PRSS16: variants seen among roughly 807,000 people sequenced by gnomAD.
PRSS16 encodes the protein thymus-specific serine protease.
In PRSS16, 43 loss-of-function variants were observed where a neutral mutation model predicts 61.7. The observed-to-expected ratio is 0.70, with a 90% CI of 0.55 to 0.90. PRSS16 has a LOEUF of 0.90. Ranked by LOEUF, PRSS16 falls within the 40% of genes least tolerant of loss-of-function variation. The probability of loss-of-function intolerance (pLI) is 0.00; values close to 1 mark genes in which losing one functional copy is unlikely to be tolerated. For missense variants in PRSS16, 591 were observed against 659.1 expected (o/e 0.90, Z 1.13); for synonymous variants, 273 against 285.2 (o/e 0.96, Z 0.43).
rs267600918 is a variant in PRSS16, at chr6:27,255,056, C to T, written c.1401C>T (p.Ile467=). The change falls in exon 11 of 12, where the codon ATC becomes ATT. Residue 467 remains isoleucine, a synonymous_variant. Coordinates refer to ENST00000230582, the MANE Select transcript of PRSS16 (RefSeq NM_005865.4). This position sits in a 1 kb window ranked among gnomAD's most constrained non-coding sequence, Gnocchi z 4.4. ...GATCCTCAGAATCAACTCTTCTTAT[C>T]CGCACTGGCTCCCACTGCTTGGACA... The part of the protein sequence containing the change: ...ALGSSESTLL[I]RTGSHCLDMA... 1 of 1,614,090 alleles carries T rather than the reference C, an allele frequency of 6.2e-7. No individual in the cohort carries two copies. Among genetic ancestry groups the T allele is most frequent in the Non-Finnish European group, 8.5e-7 (1 of 1,179,958 alleles).
At position 27,251,060 on chromosome 6, in the gene PRSS16, G is replaced by C; in HGVS notation, c.610G>C (p.Ala204Pro). The C allele has an allele frequency of 6.2e-7, 1 of 1,613,950 alleles. No homozygotes were observed. The highest frequency in any genetic ancestry group is 2.2e-5 in the East Asian group (1 of 44,866). The change falls in exon 6 of 12, where the codon GCG (alanine) becomes CCG (proline). Residue 204 changes from alanine to proline, a missense_variant. Ala to Pro is a conservative substitution (Grantham distance 27). Transcript: ENST00000230582. This position sits in a 1 kb window ranked among gnomAD's most constrained non-coding sequence, Gnocchi z 5.6. ...ARLKFPHLIF[A>P]SVASSAPVRA... The stretch of plus-strand genomic sequence containing the variant: ...CCCTTAGTTCCCCCATCTCATTTTC[G>C]CGTCGGTCGCCTCCTCCGCCCCGGT...
Position 27,251,191 on chromosome 6 carries a change from T to C in PRSS16, c.670-26T>C, listed in dbSNP as rs760030420. The C allele has an allele frequency of 6.2e-6, 10 of 1,613,492 alleles. No homozygotes were observed. In the African/African-American group the frequency reaches 1.1e-4, roughly 17 times the overall value. ...GGCGGAGTCCCTTGACACTTCCGGATACCTTCCTCTGCGGTCCGCCCACAG... is the reference window on the plus strand; with the variant it reads ...GGCGGAGTCCCTTGACACTTCCGGACACCTTCCTCTGCGGTCCGCCCACAG... On this transcript the variant is annotated intron_variant, in intron 6 of 11. Coordinates refer to ENST00000230582, the MANE Select transcript of PRSS16 (RefSeq NM_005865.4). The surrounding 1 kb of genome is among the most constrained non-coding windows in gnomAD (Gnocchi z 5.6).
intron 10 of PRSS16, 33 bp from the exon 11 acceptor site, chr6:27,254,953 T>G: frequency 6.2e-7 from 1 of 1,612,474 alleles, no homozygotes; most frequent in Non-Finnish European, 8.5e-7. Flanking sequence ...CCAGCACCCA[T>G]CTACCTAGCC....
intron 4 of PRSS16, among the ~76,000 whole-genome samples, chr6:27,250,448 G>A (rs768921278): frequency 2.6e-4 from 40 of 152,226 alleles, no homozygotes; most frequent in African/African-American, 9.4e-4. Context: ...AAGGGAAAGA[G>A]GGTGGTGGCT....
chr6:27,251,738 T>G lies in PRSS16; in HGVS notation c.718-12T>G, dbSNP rs1364989942. 4.4e-6 allele frequency: 7 copies of G among 1,586,268 alleles called. No homozygotes were observed. The highest frequency in any genetic ancestry group is 5.1e-6 in the Non-Finnish European group (6 of 1,173,540). On this transcript the variant is annotated splice_polypyrimidine_tract_variant and intron_variant, in intron 7 of 11. Coordinates refer to ENST00000230582, the MANE Select transcript of PRSS16 (RefSeq NM_005865.4). The surrounding 1 kb of genome is among the most constrained non-coding windows in gnomAD (Gnocchi z 5.6). ...CTAAGTCTTGGCGGACATCGCCTCT[T>G]GCTTCCCACAGTGCCGGGCGGCGGT...
chr6:27,253,508 C>T (rs1250952557), intron 9 of PRSS16: 1 of 453,904 alleles, frequency 2.2e-6, no homozygotes, highest in Non-Finnish European at 4.4e-6. Context: ...TAACCTTGTC[C>T]CTCCTGTACT....
rs574560316 is a variant in PRSS16 at position 27,249,175 on chromosome 6, T to C, written c.413T>C (p.Ile138Thr). 7.8e-5 allele frequency: 126 copies of C among 1,611,870 alleles called. No homozygotes were observed. The Admixed American group carries it at 1.1e-3, about 14-fold the overall frequency. The stretch of plus-strand genomic sequence containing the variant: ...GAACACAGATTTTATGGCCTGAGTA[T>C]ACCTGCTGGAGGCCTGGAAATGGCC... ...SLEHRFYGLS[I>T]PAGGLEMAQL... Residue 138 changes from isoleucine (I) to threonine (T), a missense_variant, in exon 4 of 12, where the codon ATA becomes ACA. Physicochemically the swap from Ile to Thr is moderately conservative, Grantham distance 89. Coordinates refer to ENST00000230582, the MANE Select transcript of PRSS16 (RefSeq NM_005865.4).
In PRSS16 at chr6:27,251,632, T is replaced by G; in HGVS notation, c.718-118T>G. The G allele has an allele frequency of 8.3e-7, 1 of 1,205,202 alleles. No individual in the cohort carries two copies. The highest frequency in any genetic ancestry group is 1.1e-6 in the Non-Finnish European group (1 of 893,324). 74.7% of individuals were successfully genotyped at this position (1,205,202 alleles called of 1,614,324 possible). A position where few individuals can be genotyped will look rare whatever the true frequency, so the allele number is the denominator to read the frequency against. On this transcript the variant is annotated intron_variant, in intron 7 of 11. Coordinates refer to ENST00000230582, the MANE Select transcript of PRSS16 (RefSeq NM_005865.4). This position sits in a 1 kb window ranked among gnomAD's most constrained non-coding sequence, Gnocchi z 5.6. ...GGGGGCCTGGGCCAAGAGCTAGGTC[T>G]GCACCCTCTGAGTCCCGCTAGGGGA...
chr6:27,253,901 C>T (rs1161710534), intron 9 of PRSS16: 1 of 153,078 alleles, frequency 6.5e-6, no homozygotes, highest in Non-Finnish European at 1.5e-5. Context: ...ATATTTTAAC[C>T]CTCTTAATAC....
At position 27,250,664 on chromosome 6, in the gene PRSS16, G is replaced by A. The variant is rs781194694; in HGVS notation, c.468-19G>A. The A allele has an allele frequency of 6.3e-7, 1 of 1,583,612 alleles. No homozygotes were observed. The highest frequency in any genetic ancestry group is 8.6e-7 in the Non-Finnish European group (1 of 1,166,344). Reference sequence around the variant, plus strand: ...ATTCCCAGCGATGAGGACCGACCGAGTCCCCCCTTTGACCCTAGGCTGGCT... The same window carrying A: ...ATTCCCAGCGATGAGGACCGACCGAATCCCCCCTTTGACCCTAGGCTGGCT... On this transcript the variant is annotated intron_variant, in intron 4 of 11. Coordinates refer to ENST00000230582, the MANE Select transcript of PRSS16 (RefSeq NM_005865.4).
chr6:27,254,782 T>C lies in PRSS16; in HGVS notation c.1240T>C (p.Ser414Pro), dbSNP rs199614851. ...LDLCEQVFGL[S>P]ALSVAQAVAQ... ...CCTATGTGAGCAGGTGTTTGGGCTC[T>C]CAGCCTTGTCAGTAGCCCAGGCTGT... Residue 414 changes from serine (S) to proline (P), a missense_variant, in exon 10 of 12, where the codon TCA becomes CCA. Ser to Pro is a moderately conservative substitution (Grantham distance 74). Transcript: ENST00000230582. The C allele has an allele frequency of 4.3e-5, 69 of 1,614,056 alleles. No homozygotes were observed. The highest frequency in any genetic ancestry group is 1.0e-5 in the Non-Finnish European group (12 of 1,179,998).
Position 27,251,362 on chromosome 6 carries a change from G to A in PRSS16, c.717+98G>A. The A allele has an allele frequency of 7.0e-7, 1 of 1,436,854 alleles. No homozygotes were observed. The highest frequency in any genetic ancestry group is 9.3e-7 in the Non-Finnish European group (1 of 1,075,814). 89.0% of individuals were successfully genotyped at this position (1,436,854 alleles called of 1,614,324 possible). A position where few individuals can be genotyped will look rare whatever the true frequency, so the allele number is the denominator to read the frequency against. On this transcript the variant is annotated intron_variant, in intron 7 of 11. Coordinates refer to ENST00000230582, the MANE Select transcript of PRSS16 (RefSeq NM_005865.4). The surrounding 1 kb of genome is among the most constrained non-coding windows in gnomAD (Gnocchi z 5.6). ...AGAGAAGGGCGAAACCTGCAACGTG[G>A]CGGGGTCTAAGGAAGGTCGGAGCTC...
intron 9 of PRSS16, 55 bp downstream of exon 9, chr6:27,253,004 C>A: frequency 6.2e-7 from 1 of 1,609,584 alleles, no homozygotes; most frequent in Non-Finnish European, 8.5e-7. Flanking sequence ...TTTTACTATG[C>A]CCAGAGAAGT....
Position 27,247,958 on chromosome 6 carries a change from G to A in PRSS16, c.147G>A (p.Leu49=). ...CTGCCCAGGGCCTGGGCCTGAGCCTGGGGCCAGGTGCTGCAGCCCTCCCAA... is the reference window on the plus strand; with the variant it reads ...CTGCCCAGGGCCTGGGCCTGAGCCTAGGGCCAGGTGCTGCAGCCCTCCCAA... ...ESSAQGLGLS[L]GPGAAALPKV... is the part of the protein sequence containing the mutation. The change falls in exon 2 of 12, where the codon CTG becomes CTA. Residue 49 remains leucine, a synonymous_variant. Coordinates refer to ENST00000230582, the MANE Select transcript of PRSS16 (RefSeq NM_005865.4). The A allele has an allele frequency of 6.2e-7, 1 of 1,608,262 alleles. No homozygotes were observed. Among genetic ancestry groups the A allele is most frequent in the Non-Finnish European group, 8.5e-7 (1 of 1,177,494 alleles).
In PRSS16 at chr6:27,250,934, C is replaced by A. The variant is rs570584427; in HGVS notation, c.592-108C>A. On this transcript the variant is annotated intron_variant, in intron 5 of 11. Transcript: ENST00000230582. ...CCGCGCCCAAAGAATTTTGCACAAG[C>A]TGTCCTCACAAGAGCCCGAGATTAC... 8.3e-6 allele frequency: 13 copies of A among 1,567,478 alleles called. No individual in the cohort carries two copies. In the Admixed American group the frequency reaches 1.0e-4, roughly 12 times the overall value.
At position 27,250,779 on chromosome 6, in the gene PRSS16, C is replaced by T; in HGVS notation, c.564C>T (p.Gly188=). The T allele has an allele frequency of 1.9e-6, 3 of 1,612,554 alleles. No homozygotes were observed. The highest frequency in any genetic ancestry group is 1.7e-6 in the Non-Finnish European group (2 of 1,179,410). The change falls in exon 5 of 12, where the codon GGC becomes GGT. Residue 188 remains glycine, a synonymous_variant. Coordinates refer to ENST00000230582, the MANE Select transcript of PRSS16 (RefSeq NM_005865.4). ...PWICFGGSYA[G]SLAAWARLKF... Reference sequence around the variant, plus strand: ...TCTGCTTCGGAGGCTCCTATGCCGGCTCCTTGGCCGCCTGGGCCCGGCTGA... The same window carrying T: ...TCTGCTTCGGAGGCTCCTATGCCGGTTCCTTGGCCGCCTGGGCCCGGCTGA...
chr6:27,249,036 G>A (rs1759804281), intron 3 of PRSS16, 64 bp from the exon 4 acceptor site: 1 of 1,503,460 alleles, frequency 6.7e-7, no homozygotes. Context: ...GACCTGAGGA[G>A]TGAAAGGGCT....
In PRSS16 at chr6:27,251,474, G is replaced by A. The variant is rs913884309; in HGVS notation, c.717+210G>A. 3.4e-5 allele frequency: 26 copies of A among 757,462 alleles called. No homozygotes were observed. The highest frequency in any genetic ancestry group is 6.0e-5 in the Admixed American group (2 of 33,268). The allele number at this position is 757,462 out of a possible 1,614,324, so 46.9% of individuals were successfully genotyped here. A position where few individuals can be genotyped will look rare whatever the true frequency, so the allele number is the denominator to read the frequency against. ...AGAGGCGCTCCCCAGAGAGGGCGGG[G>A]TTTGGGCAGGGACAATCCTATCCGG... On this transcript the variant is annotated intron_variant, in intron 7 of 11. Transcript: ENST00000230582. This position sits in a 1 kb window ranked among gnomAD's most constrained non-coding sequence, Gnocchi z 5.6.
chr6:27,251,454 C>A lies in PRSS16; in HGVS notation c.717+190C>A, dbSNP rs1338658115. The A allele has an allele frequency of 3.7e-6, 3 of 812,260 alleles. No individual in the cohort carries two copies. The highest frequency in any genetic ancestry group is 5.6e-6 in the Non-Finnish European group (3 of 535,580). 50.3% of individuals were successfully genotyped at this position (812,260 alleles called of 1,614,324 possible). On this transcript the variant is annotated intron_variant, in intron 7 of 11. Coordinates refer to ENST00000230582, the MANE Select transcript of PRSS16 (RefSeq NM_005865.4). This position sits in a 1 kb window ranked among gnomAD's most constrained non-coding sequence, Gnocchi z 5.6. The stretch of plus-strand genomic sequence containing the variant: ...AGAGGAGGGGCACCAGGAAAAGAGG[C>A]GCTCCCCAGAGAGGGCGGGGTTTGG...
Sources: gnomAD v4.1 joint callset for allele counts (sites outside exome capture counted in the v4.1 genomes callset) on GRCh38, gnomAD v4.1.1 for gene constraint, Gnocchi (gnomAD v3.1) non-coding constraint, MANE v1.5 for transcripts, NCBI Gene and HGNC (gene_info 2026-07-23, HGNC 2026-07-21) for gene names.